The following CHD6 variants were observed in gnomAD, a reference collection of about 807,000 sequenced individuals.
CHD6 encodes the protein ATP-dependent chromatin remodeler CHD6.
A neutral mutation model predicts 276.9 loss-of-function variants in CHD6; 50 were observed. That is an observed-to-expected ratio of 0.18 (90% CI 0.14 to 0.23). The LOEUF (loss-of-function observed/expected upper bound fraction) is 0.23, where lower values mean the gene tolerates loss of function less well. Ranked by LOEUF, CHD6 falls within the 10% of genes least tolerant of loss-of-function variation. CHD6 has a pLI of 1.00. For synonymous variants in CHD6, 1,173 were observed against 1,229.3 expected (o/e 0.95, Z 0.96); for missense variants, 2,564 against 3,365.8 (o/e 0.76, Z 5.89).
At chr20:41,480,231 A>T (rs1234724232) in intron 16 of CHD6, among the ~76,000 whole-genome samples, 1 of 152,208 alleles carries the variant, frequency 6.6e-6, no homozygotes, top group East Asian at 1.9e-4. Flanking sequence ...ACAGCTGACA[A>T]CTGTGTACTC....
chr20:41,563,201 C>A (rs952301329), intron 1 of CHD6, among the ~76,000 whole-genome samples: 4 of 152,166 alleles, frequency 2.6e-5, no homozygotes, highest in Admixed American at 2.6e-4. Flanking sequence ...GTAGAAGTGA[C>A]AACAACCTCC....
At chr20:41,547,314 A>G (rs2045061207) in intron 2 of CHD6, 1 of 190,526 alleles carries the variant, frequency 5.2e-6, no homozygotes, top group African/African-American at 2.3e-5. Context: ...TTCCATTTAA[A>G]TGACAGAAAA....
intron 14 of CHD6, chr20:41,486,045 T>C (rs1000331799): frequency 1.3e-5 from 2 of 152,178 alleles, no homozygotes; most frequent in Non-Finnish European, 2.9e-5. Context: ...CTAACTCCAA[T>C]CTTAATCTTT....
chr20:41,549,835 C>G (rs2045117500), intron 2 of CHD6, among the ~76,000 whole-genome samples: 1 of 152,140 alleles, frequency 6.6e-6, no homozygotes, highest in South Asian at 2.1e-4. Context: ...GAATCTTGCT[C>G]TTGTCCAGGC....
chr20:41,516,933 T>C (rs6072397), intron 3 of CHD6, among the ~76,000 whole-genome samples: 20,029 of 151,970 alleles, frequency 0.13, 1,567 homozygotes, highest in East Asian at 0.18. Context: ...TCAGGAGAGT[T>C]AGTAGAAAGT....
intron 11 of CHD6, among the ~76,000 whole-genome samples, chr20:41,490,990 G>A (rs1158613019): frequency 6.6e-6 from 1 of 151,934 alleles, no homozygotes; most frequent in African/African-American, 2.4e-5. Flanking sequence ...CCTATACAGG[G>A]GACTTACCAT....
rs777906995 is a variant in CHD6 at position 41,420,876 on chromosome 20, G to A, written c.5759C>T (p.Ala1920Val). 8.1e-6 allele frequency: 13 copies of A among 1,614,164 alleles called. No homozygotes were observed. The highest frequency in any genetic ancestry group is 1.1e-5 in the Non-Finnish European group (13 of 1,180,026). The part of the protein sequence containing the change: ...DETKKGSLEV[A>V]NQTPGLQRAF... ...CCTCTGTAGCCCAGGAGTCTGGTTT[G>A]CCACCTCTAAGCTTCCTTTCTTGGT... Residue 1920 changes from alanine (A) to valine (V), a missense_variant, in exon 31 of 37, where the codon GCA becomes GTA. Transcript: ENST00000373233.
At chr20:41,488,281 A>G in intron 13 of CHD6, 147 bp downstream of exon 13, 1 of 707,208 alleles carries the variant, frequency 1.4e-6, no homozygotes, top group South Asian at 2.1e-5. Flanking sequence ...CTTAATTCCT[A>G]TACTATTGCA....
At chr20:41,563,515 T>C (rs1033884065) in intron 1 of CHD6, among the ~76,000 whole-genome samples, 2 of 152,138 alleles carry the variant, frequency 1.3e-5, no homozygotes, top group Non-Finnish European at 2.9e-5. Flanking sequence ...GCCAAACTCT[T>C]TGATTTCAGT....
intron 1 of CHD6, among the ~76,000 whole-genome samples, chr20:41,617,195 G>A (rs1233948434): frequency 6.6e-6 from 1 of 152,148 alleles, no homozygotes; most frequent in African/African-American, 2.4e-5. Context: ...CACAGCCCCA[G>A]AGAGATGCTC....
At chr20:41,575,403 A>G (rs2045463782) in intron 1 of CHD6, among the ~76,000 whole-genome samples, 1 of 152,198 alleles carries the variant, frequency 6.6e-6, no homozygotes, top group South Asian at 2.1e-4. Flanking sequence ...ATATATTTAT[A>G]CAAACATCAA....
At chr20:41,488,628 A>T (rs765947995) in intron 12 of CHD6, 24 bp from the exon 13 acceptor site, 2 of 1,604,818 alleles carry the variant, frequency 1.2e-6, no homozygotes, top group Non-Finnish European at 1.7e-6. Context: ...AACCAAAGTC[A>T]AAGCTTTACA....
chr20:41,426,281 C>A, intron 27 of CHD6, 128 bp from the exon 28 acceptor site: 1 of 742,912 alleles, frequency 1.3e-6, no homozygotes, highest in South Asian at 1.4e-5. Context: ...CAACTCAGAC[C>A]AAGATAGGAC....
At chr20:41,615,297 C>G (rs2045924256) in intron 1 of CHD6, among the ~76,000 whole-genome samples, 1 of 149,614 alleles carries the variant, frequency 6.7e-6, no homozygotes, top group Non-Finnish European at 1.5e-5. Flanking sequence ...ACCAGGTATT[C>G]AATCAATGCT....
intron 20 of CHD6, among the ~76,000 whole-genome samples, chr20:41,453,483 G>C (rs1326498325): frequency 6.6e-6 from 1 of 152,168 alleles, no homozygotes; most frequent in East Asian, 1.9e-4. Context: ...CGGTCATTCT[G>C]ATGGTTCCCC....
At chr20:41,406,773 T>G (rs1265407705) in intron 36 of CHD6, among the ~76,000 whole-genome samples, 1 of 152,174 alleles carries the variant, frequency 6.6e-6, no homozygotes, top group Non-Finnish European at 1.5e-5. Context: ...CCTCCACACC[T>G]CACTGCTATC....
intron 2 of CHD6, among the ~76,000 whole-genome samples, chr20:41,547,002 C>T (rs980978014): frequency 4.6e-5 from 7 of 152,162 alleles, no homozygotes; most frequent in Non-Finnish European, 8.8e-5. Context: ...TCTACCATCT[C>T]AATTTACCTT....
intron 1 of CHD6, among the ~76,000 whole-genome samples, chr20:41,604,192 A>T (rs1026667158): frequency 1.3e-5 from 2 of 152,198 alleles, no homozygotes; most frequent in Non-Finnish European, 2.9e-5. Context: ...GCACTTGGAC[A>T]GGCAGGTGGA....
intron 25 of CHD6, among the ~76,000 whole-genome samples, chr20:41,443,238 G>A (rs1415919991): frequency 6.6e-6 from 1 of 152,188 alleles, no homozygotes; most frequent in Non-Finnish European, 1.5e-5. Context: ...AAGAATTTGG[G>A]AGCGACCTTA....
Sources: gnomAD v4.1 joint callset for allele counts (sites outside exome capture counted in the v4.1 genomes callset) on GRCh38, gnomAD v4.1.1 for gene constraint, MANE v1.5 for transcripts, NCBI Gene and HGNC (gene_info 2026-07-23, HGNC 2026-07-21) for gene names.